MID1: variants seen among roughly 807,000 people sequenced by gnomAD.
The protein encoded by MID1 is E3 ubiquitin-protein ligase Midline-1.
Under a neutral mutation model 40.4 loss-of-function variants are expected in MID1, and 7 were observed. The observed-to-expected ratio is 0.17, with a 90% CI of 0.10 to 0.33. The LOEUF is 0.33. Ranked by LOEUF, MID1 falls within the 10% of genes least tolerant of loss-of-function variation. MID1 has a pLI of 1.00. For missense variants in MID1, 367 were observed against 558.5 expected (o/e 0.66, Z 3.46); for synonymous variants, 229 against 221.2 (o/e 1.04, Z -0.31).
chrX:10,527,903 G>A lies in MID1; in HGVS notation c.661-4716C>T, dbSNP rs368433052. Among the ~76,000 whole-genome samples the A allele has an allele frequency of 4.0e-4, 45 of 111,415 alleles. 1 individual carries two copies. The South Asian group carries it at 0.016, about 40-fold the overall frequency. ...TCCCCTCTCCCTCCAGGTGCTTCCT[G>A]GATCACCTCCCAATTCAAATTCTGA... is the stretch of plus-strand genomic sequence containing the variant. On this transcript the variant is annotated intron_variant, in intron 2 of 9. Coordinates refer to ENST00000317552, the MANE Select transcript of MID1 (RefSeq NM_000381.4).
chrX:10,817,335 C>A (rs1248030289), intron 1 of MID1, among the ~76,000 whole-genome samples: 1 of 111,252 alleles, frequency 9.0e-6, no homozygotes, highest in African/African-American at 3.3e-5. Context: ...CACCTTTCAG[C>A]AAAACAAACA....
intron 1 of MID1, among the ~76,000 whole-genome samples, chrX:10,697,374 A>T (rs750089799): frequency 1.8e-5 from 2 of 111,672 alleles, no homozygotes; most frequent in South Asian, 7.6e-4. Context: ...TCCAAACAAA[A>T]CCAAAAGAAA....
rs1480212160 is a variant in MID1 at position 10,672,638 on chromosome X, A to AT, written c.-186-52220dup. 3.4e-4 allele frequency among the ~76,000 whole-genome samples: 38 copies of AT among 111,769 alleles called. 1 individual carries two copies. Among genetic ancestry groups the AT allele is most frequent in the Non-Finnish European group, 3.8e-5 (2 of 53,211 alleles). The stretch of plus-strand genomic sequence containing the variant: ...CTTCAGAAGGAATGCAGGCCTGCTG[A>AT]TACCTTGATTTTAGATCCATTTTGT... On this transcript the variant is annotated intron_variant, in intron 1 of 10. Coordinates refer to the MID1 transcript ENST00000380785.
At chrX:10,749,301 C>A (rs2147113476) in intron 1 of MID1, among the ~76,000 whole-genome samples, 1 of 111,305 alleles carries the variant, frequency 9.0e-6, no homozygotes, top group South Asian at 3.8e-4. Context: ...CAGCACGTTG[C>A]TGCTCAAAAT....
chrX:10,629,137 T>C (rs1936025951), intron 1 of MID1, among the ~76,000 whole-genome samples: 1 of 111,752 alleles, frequency 8.9e-6, no homozygotes, highest in Non-Finnish European at 1.9e-5. Context: ...AAGTCTCTCA[T>C]GTTGCACCTT....
intron 1 of MID1, among the ~76,000 whole-genome samples, chrX:10,628,574 A>G (rs1187554870): frequency 1.8e-5 from 2 of 111,585 alleles, no homozygotes; most frequent in Non-Finnish European, 3.8e-5. Context: ...ATCTGTGTGG[A>G]AAAAAAAGAT....
rs189524233 is a variant in MID1 at position 10,469,385 on chromosome X, T to C, written c.1285+312A>G. 2,263 of 1,012,489 alleles carry C rather than the reference T, an allele frequency of 2.2e-3. 2 individuals are homozygous for C. Among genetic ancestry groups the C allele is most frequent in the Non-Finnish European group, 2.6e-3 (2,006 of 783,600 alleles). 83.4% of individuals were successfully genotyped at this position (1,012,489 alleles called of 1,213,427 possible). A position where few individuals can be genotyped will look rare whatever the true frequency, so the allele number is the denominator to read the frequency against. The stretch of plus-strand genomic sequence containing the variant: ...TGAACCTATATGTGGATTAATACTA[T>C]ATATATATATTTGTTTCTCTCTCTA... On this transcript the variant is annotated intron_variant, in intron 7 of 9. Transcript: ENST00000317552.
At chrX:10,672,224 CAA>C (rs111982692) in intron 1 of MID1, among the ~76,000 whole-genome samples, 1 of 95,098 alleles carries the variant, frequency 1.1e-5, no homozygotes, top group African/African-American at 3.8e-5. Context: ...GATCCTGTCT[CAA>C]AAAAAAAAAA....
intron 3 of MID1, among the ~76,000 whole-genome samples, chrX:10,517,386 T>C (rs1266566355): frequency 1.8e-5 from 2 of 112,306 alleles, no homozygotes; most frequent in Admixed American, 1.9e-4. Flanking sequence ...ACAAACTCCA[T>C]GGCCTTTTTG....
chrX:10,644,420 C>T (rs1426431963), intron 1 of MID1, among the ~76,000 whole-genome samples: 1 of 110,663 alleles, frequency 9.0e-6, no homozygotes, highest in Non-Finnish European at 1.9e-5. Flanking sequence ...CTAGGATCTT[C>T]GGCCCCTCCA....
chrX:10,718,065 A>T, intron 1 of MID1, among the ~76,000 whole-genome samples: 1 of 112,148 alleles, frequency 8.9e-6, no homozygotes, highest in Non-Finnish European at 1.9e-5. Flanking sequence ...AGGGAAATTT[A>T]TAGCACTAAA....
At chrX:10,656,976 A>G (rs766461928) in intron 1 of MID1, among the ~76,000 whole-genome samples, 57 of 110,634 alleles carry the variant, frequency 5.2e-4, no homozygotes, top group Non-Finnish European at 9.8e-4. Flanking sequence ...TCCAACTGCC[A>G]GTCTCTACAA....
chrX:10,521,082 C>T (rs1219244012), intron 3 of MID1, among the ~76,000 whole-genome samples: 1 of 89,251 alleles, frequency 1.1e-5, no homozygotes, highest in African/African-American at 4.6e-5. Flanking sequence ...TGGCACGTCA[C>T]ATGGCGAAAT....
chrX:10,697,715 T>C (rs1223416146), intron 1 of MID1, among the ~76,000 whole-genome samples: 2 of 111,608 alleles, frequency 1.8e-5, no homozygotes, highest in Non-Finnish European at 3.8e-5. Context: ...GGAGCCGTGG[T>C]TGGGCAGCAG....
At chrX:10,480,041 A>G (rs750560439) in intron 5 of MID1, among the ~76,000 whole-genome samples, 30 of 111,896 alleles carry the variant, frequency 2.7e-4, no homozygotes, top group Non-Finnish European at 3.9e-4. Flanking sequence ...TCCTTTTTCT[A>G]TATCCTAGCT....
At position 10,749,297 on chromosome X, in the gene MID1, G is replaced by A. The variant is rs749709295; in HGVS notation, c.-187+84257C>T. 8.1e-5 allele frequency among the ~76,000 whole-genome samples: 9 copies of A among 111,162 alleles called. No individual in the cohort carries two copies. In the East Asian group the frequency reaches 1.4e-3, roughly 18 times the overall value. On this transcript the variant is annotated intron_variant, in intron 1 of 10. Coordinates refer to the MID1 transcript ENST00000380785. ...ATGAGCCTGAGGAGAAGACCAGCAC[G>A]TTGCTGCTCAAAATATAGCCCATGG...
chrX:10,604,431 C>T (rs1325251384), intron 1 of MID1, among the ~76,000 whole-genome samples: 1 of 111,551 alleles, frequency 9.0e-6, no homozygotes, highest in Non-Finnish European at 1.9e-5. Flanking sequence ...GAATATAATA[C>T]TTTAAAATCT....
intron 1 of MID1, among the ~76,000 whole-genome samples, chrX:10,829,503 A>T (rs1161823130): frequency 8.9e-6 from 1 of 111,927 alleles, no homozygotes; most frequent in East Asian, 2.8e-4. Flanking sequence ...ACAGCAATCC[A>T]TTTTTATTTT....
chrX:10,547,194 G>A (rs1045371326), intron 2 of MID1, among the ~76,000 whole-genome samples: 20 of 111,165 alleles, frequency 1.8e-4, no homozygotes, highest in Admixed American at 1.4e-3. Flanking sequence ...TCTGGAGGCT[G>A]AGCCGGGGAG....
Sources: allele counts gnomAD v4.1 joint callset (sites outside exome capture counted in the v4.1 genomes callset), GRCh38; gene constraint gnomAD v4.1.1; transcripts MANE v1.5; gene names NCBI Gene and HGNC (gene_info 2026-07-23, HGNC 2026-07-21).